DCAF10: variants seen among roughly 807,000 people sequenced by gnomAD.
DCAF10 encodes the protein DDB1 and CUL4 associated factor 10.
A neutral mutation model predicts 51.9 loss-of-function variants in DCAF10; 19 were observed. The ratio of observed to expected loss-of-function variants is 0.37; its 90% CI spans 0.26 to 0.54. DCAF10 has a LOEUF of 0.54. Among genes scored for constraint, DCAF10 ranks in the 20% least tolerant of loss-of-function variants. The pLI, the probability that DCAF10 is intolerant of heterozygous loss-of-function variation, is 0.87. For synonymous variants in DCAF10, 291 were observed against 297.1 expected (o/e 0.98, Z 0.21); for missense variants, 510 against 730.6 (o/e 0.70, Z 3.48).
chr9:37,832,984 G>T (rs1272080245), intron 2 of DCAF10, among the ~76,000 whole-genome samples: 1 of 152,086 alleles, frequency 6.6e-6, no homozygotes, highest in Non-Finnish European at 1.5e-5. Flanking sequence ...TGCCTCCTGG[G>T]CTCAAGCAGT....
At position 37,801,391 on chromosome 9, in the gene DCAF10, G is replaced by A. The variant is rs772358218; in HGVS notation, c.525G>A (p.Glu175=). 13 of 1,516,268 alleles carry A rather than the reference G, an allele frequency of 8.6e-6. No homozygotes were observed. The highest frequency in any genetic ancestry group is 1.1e-5 in the Non-Finnish European group (13 of 1,130,598). The allele number at this position is 1,516,268 out of a possible 1,614,324, so 93.9% of individuals were successfully genotyped here. ...CCCACGGCGCCGTCTTCAACCTCGA[G>A]TACTCGCCCGACGGGTAAGCGCGGC... ...TRTHGAVFNL[E]YSPDGSVLTV... Residue 175 remains glutamate (E), a synonymous_variant, in exon 1 of 7, where the codon GAG becomes GAA. Transcript: ENST00000377724. The surrounding 1 kb of genome is among the most constrained non-coding windows in gnomAD (Gnocchi z 5.5).
intron 3 of DCAF10, among the ~76,000 whole-genome samples, chr9:37,844,130 A>G (rs1000858713): frequency 2.0e-5 from 3 of 152,278 alleles, no homozygotes; most frequent in African/African-American, 7.2e-5. Flanking sequence ...AAAACTATAA[A>G]AAGTAAAAGT....
chr9:37,862,693 T>A lies in DCAF10; in HGVS notation c.*1185T>A, dbSNP rs1431134798. 1 of 152,260 alleles carries A rather than the reference T, an allele frequency of 6.6e-6. No homozygotes were observed. Among genetic ancestry groups the A allele is most frequent in the East Asian group, 1.9e-4 (1 of 5,196 alleles). The allele number at this position is 152,260 out of a possible 1,614,324, so 9.4% of individuals were successfully genotyped here. A position where few individuals can be genotyped will look rare whatever the true frequency, so the allele number is the denominator to read the frequency against. ...ATAAAGCAGGACTCAAGCACAAGGC[T>A]GACTGTTCTACTTTGAATAACAGCT... On this transcript the variant is annotated 3_prime_UTR_variant, in exon 7 of 7. Transcript: ENST00000377724.
At chr9:37,841,281 A>G (rs896905562) in intron 2 of DCAF10, among the ~76,000 whole-genome samples, 1 of 152,198 alleles carries the variant, frequency 6.6e-6, no homozygotes, top group Non-Finnish European at 1.5e-5. Flanking sequence ...TCTGACAATT[A>G]TATGTAAATT....
chr9:37,834,785 A>G (rs1157394302), intron 2 of DCAF10, among the ~76,000 whole-genome samples: 1 of 147,580 alleles, frequency 6.8e-6, no homozygotes, highest in Non-Finnish European at 1.5e-5. Flanking sequence ...TATTTTTCTC[A>G]ATCACGTACT....
chr9:37,857,181 G>C (rs1319022010), intron 4 of DCAF10, 60 bp from the exon 5 acceptor site: 1 of 1,320,190 alleles, frequency 7.6e-7, no homozygotes, highest in African/African-American at 1.5e-5. Context: ...TAATTAAAAA[G>C]TTAAGAGCCA....
intron 2 of DCAF10, chr9:37,836,052 G>A: frequency 9.0e-7 from 1 of 1,109,942 alleles, no homozygotes; most frequent in Non-Finnish European, 1.4e-6. Flanking sequence ...CGGTAAGGCT[G>A]TATTGGACAG....
intron 2 of DCAF10, among the ~76,000 whole-genome samples, chr9:37,821,164 T>C (rs12336299): frequency 0.029 from 4,426 of 152,086 alleles, 215 homozygotes; most frequent in African/African-American, 0.1. Context: ...TTTACACATA[T>C]TATTATTTAC....
At chr9:37,807,524 T>C (rs1829151443) in intron 1 of DCAF10, among the ~76,000 whole-genome samples, 1 of 152,146 alleles carries the variant, frequency 6.6e-6, no homozygotes, top group East Asian at 1.9e-4. Flanking sequence ...TAGAATGATT[T>C]AATGAACAAT....
intron 3 of DCAF10, among the ~76,000 whole-genome samples, chr9:37,850,867 T>A (rs1830625501): frequency 1.1e-4 from 9 of 85,430 alleles, no homozygotes; most frequent in South Asian, 3.8e-4. Flanking sequence ...TATATATATA[T>A]ATATATATAT....
Position 37,837,235 on chromosome 9 carries a change from C to T in DCAF10, c.654-4854C>T, listed in dbSNP as rs549025256. Among the ~76,000 whole-genome samples the T allele has an allele frequency of 4.9e-3, 737 of 151,864 alleles. 1 individual carries two copies. Among genetic ancestry groups the T allele is most frequent in the Non-Finnish European group, 8.7e-3 (588 of 67,936 alleles). On this transcript the variant is annotated intron_variant, in intron 2 of 6. Coordinates refer to ENST00000377724, the MANE Select transcript of DCAF10 (RefSeq NM_024345.5). ...CAGCACTTTGGGAGGCCGAGGCAGG[C>T]GGATCACGAGGTCAGGAGATGGAGA... is the stretch of plus-strand genomic sequence containing the variant.
At chr9:37,800,752 G>A, upstream of DCAF10, 3 of 1,533,206 alleles carry the variant, frequency 2.0e-6, no homozygotes, top group Non-Finnish European at 2.6e-6. Flanking sequence ...GGGGCGGCGC[G>A]GGTTTCCAGC....
chr9:37,807,992 TAACTG>T (rs1186155219), intron 1 of DCAF10, among the ~76,000 whole-genome samples: 19 of 152,218 alleles, frequency 1.2e-4, no homozygotes, highest in African/African-American at 4.6e-4. Flanking sequence ...ATATCACACT[TAACTG>T]TATGTAACAG....
At chr9:37,833,279 A>T (rs1830058284) in intron 2 of DCAF10, among the ~76,000 whole-genome samples, 1 of 152,274 alleles carries the variant, frequency 6.6e-6, no homozygotes, top group African/African-American at 2.4e-5. Flanking sequence ...GAGAATTTGC[A>T]TATGCAGATG....
chr9:37,840,973 G>A (rs1830318087), intron 2 of DCAF10, among the ~76,000 whole-genome samples: 1 of 152,090 alleles, frequency 6.6e-6, no homozygotes, highest in South Asian at 2.1e-4. Context: ...GCCTATGAGT[G>A]ATAGGCTATA....
rs1828918530 is a variant in DCAF10, at chr9:37,801,109, T to G, written c.243T>G (p.Thr81=). 1.3e-6 allele frequency: 2 copies of G among 1,535,032 alleles called. No individual in the cohort carries two copies. The highest frequency in any genetic ancestry group is 1.7e-6 in the Non-Finnish European group (2 of 1,145,128). ...TGCCTGGAGCTCCGGAGTCCTCAAC[T>G]GCCTCCGCCCCGGGAGAGCCGTCAC... ...LGLPGAPESS[T]ASAPGEPSPP... is the part of the protein sequence containing the mutation. Residue 81 remains threonine (T), a synonymous_variant, in exon 1 of 7, where the codon ACT becomes ACG. Coordinates refer to ENST00000377724, the MANE Select transcript of DCAF10 (RefSeq NM_024345.5). This position sits in a 1 kb window ranked among gnomAD's most constrained non-coding sequence, Gnocchi z 5.5.
In DCAF10 at chr9:37,801,003, A is replaced by T; in HGVS notation, c.137A>T (p.His46Leu). Residue 46 changes from histidine to leucine, a missense_variant, in exon 1 of 7, where the codon CAT becomes CTT. By Grantham distance (99) the His-to-Leu change is moderately conservative (BLOSUM62 -3). Coordinates refer to ENST00000377724, the MANE Select transcript of DCAF10 (RefSeq NM_024345.5). The surrounding 1 kb of genome is among the most constrained non-coding windows in gnomAD (Gnocchi z 5.5). ...CTACATCCCGGGGCTGATGCGACCC[A>T]TCCCCCTCCACCCGCCCGAAGCCCT... Reference protein sequence around the residue: ...SPLHPGADATHPPPPARSPRR... With the variant: ...SPLHPGADATLPPPPARSPRR... The T allele has an allele frequency of 6.5e-7, 1 of 1,535,386 alleles. No homozygotes were observed. The highest frequency in any genetic ancestry group is 8.7e-7 in the Non-Finnish European group (1 of 1,151,124).
chr9:37,860,239 T>C (rs760106254), intron 6 of DCAF10, 46 bp downstream of exon 6: 20 of 1,610,442 alleles, frequency 1.2e-5, no homozygotes, highest in South Asian at 4.4e-5. Context: ...ATTGGACAAA[T>C]TGCCATTGCC....
At position 37,861,125 on chromosome 9, in the gene DCAF10, C is replaced by T. The variant is rs1348929135; in HGVS notation, c.1312-15C>T. The T allele has an allele frequency of 6.3e-7, 1 of 1,586,814 alleles. No homozygotes were observed. Among genetic ancestry groups the T allele is most frequent in the Admixed American group, 1.7e-5 (1 of 59,104 alleles). On this transcript the variant is annotated splice_polypyrimidine_tract_variant and intron_variant, in intron 6 of 6. Coordinates refer to ENST00000377724, the MANE Select transcript of DCAF10 (RefSeq NM_024345.5). The surrounding 1 kb of genome is among the most constrained non-coding windows in gnomAD (Gnocchi z 4.9). ...GGCTCTGTAACCTTGGTTTGTCTCCCTTCTCTCCCCCTAGTGTACTTGTGT... is the reference window on the plus strand; with the variant it reads ...GGCTCTGTAACCTTGGTTTGTCTCCTTTCTCTCCCCCTAGTGTACTTGTGT...
Sources: gnomAD v4.1 joint callset for allele counts (sites outside exome capture counted in the v4.1 genomes callset) on GRCh38, gnomAD v4.1.1 for gene constraint, Gnocchi (gnomAD v3.1) non-coding constraint, MANE v1.5 for transcripts, NCBI Gene and HGNC (gene_info 2026-07-23, HGNC 2026-07-21) for gene names.